Variants in TLN2 observed in about 807,000 individuals in gnomAD.
TLN2 encodes the protein talin-2.
Under a neutral mutation model 294.7 loss-of-function variants are expected in TLN2, and 118 were observed. The ratio of observed to expected loss-of-function variants is 0.40; its 90% confidence interval spans 0.34 to 0.47. The LOEUF (loss-of-function observed/expected upper bound fraction) is 0.47. TLN2 is among the 20% of genes least tolerant of loss of function. TLN2 has a pLI of 0.84. For synonymous variants in TLN2, 1,431 were observed against 1,304.5 expected (o/e 1.10, Z -2.09); for missense variants, 3,083 against 3,282.2 (o/e 0.94, Z 1.48).
chr15:62,740,510 G>A lies in TLN2; in HGVS notation c.3886-120G>A, dbSNP rs989754097. Reference sequence around the variant, plus strand: ...AGTTAGGCATCTGCGGGCTAACTGGGTTTAATGTGATCTATACGGATAACC... The same window carrying A: ...AGTTAGGCATCTGCGGGCTAACTGGATTTAATGTGATCTATACGGATAACC... On this transcript the variant is annotated intron_variant, in intron 31 of 58. Coordinates refer to ENST00000636159, the MANE Select transcript of TLN2 (RefSeq NM_015059.3). 13 of 1,377,334 alleles carry A rather than the reference G, an allele frequency of 9.4e-6. No homozygotes were observed. The South Asian group carries it at 1.8e-4, about 19-fold the overall frequency. The allele number at this position is 1,377,334 out of a possible 1,614,324, so 85.3% of individuals were successfully genotyped here.
chr15:62,805,087 T>C (rs144824060), intron 50 of TLN2, among the ~76,000 whole-genome samples: 2 of 152,308 alleles, frequency 1.3e-5, no homozygotes, highest in East Asian at 3.9e-4. Context: ...TATGCAGTTA[T>C]ATTTATAAGA....
At chr15:62,407,564 G>C (rs2033480581) in intron 1 of TLN2, among the ~76,000 whole-genome samples, 1 of 152,124 alleles carries the variant, frequency 6.6e-6, no homozygotes, top group African/African-American at 2.4e-5. Context: ...TCACCACCAA[G>C]TTTTCATTTG....
At chr15:62,677,085 T>C (rs191626102) in intron 11 of TLN2, among the ~76,000 whole-genome samples, 6 of 152,220 alleles carry the variant, frequency 3.9e-5, no homozygotes, top group Admixed American at 2.0e-4. Context: ...ATTTGAGAGG[T>C]AGTCACCTGC....
chr15:62,629,943 T>G (rs939450313), intron 3 of TLN2, among the ~76,000 whole-genome samples: 1 of 152,230 alleles, frequency 6.6e-6, no homozygotes, highest in Non-Finnish European at 1.5e-5. Flanking sequence ...ATAGATCATT[T>G]TAACATCCTT....
intron 1 of TLN2, among the ~76,000 whole-genome samples, chr15:62,582,246 A>ACACACACACACACCCCCCCC (rs764248336): frequency 1.5e-5 from 2 of 137,240 alleles, no homozygotes; most frequent in East Asian, 2.3e-4. Context: ...ACACACACAC[A>ACACACACACACACCCCCCCC]CATTCATGCC....
At chr15:62,687,146 C>G (rs1020680217) in intron 12 of TLN2, among the ~76,000 whole-genome samples, 3 of 152,172 alleles carry the variant, frequency 2.0e-5, no homozygotes, top group Non-Finnish European at 4.4e-5. Context: ...CTCTGAGACA[C>G]AAAGGCCCCC....
Position 62,761,721 on chromosome 15 carries a change from G to C in TLN2, c.4679G>C (p.Cys1560Ser). 6.2e-7 allele frequency: 1 copy of C among 1,614,112 alleles called. No homozygotes were observed. The highest frequency in any genetic ancestry group is 8.5e-7 in the Non-Finnish European group (1 of 1,180,032). ...GDFSEDNRNK[C>S]RIATAPLIEA... is the part of the protein sequence containing the mutation. ...TTCTCTGAAGACAACCGCAATAAGT[G>C]TCGCATCGCCACCGCACCCTTGATT... The change falls in exon 38 of 59, where the codon TGT becomes TCT. Residue 1560 changes from cysteine to serine, a missense_variant. Transcript: ENST00000636159.
In TLN2 at chr15:62,698,748, T is replaced by C. The variant is rs754256060; in HGVS notation, c.1474-6T>C. On this transcript the variant is annotated splice_polypyrimidine_tract_variant and splice_region_variant and intron_variant, in intron 15 of 58. Transcript: ENST00000636159. Reference sequence around the variant, plus strand: ...GATGACAGCTTTGTTTCATTTGCCTTTGCAGACCTCAGCCCAGCAGGCCCT... The same window carrying C: ...GATGACAGCTTTGTTTCATTTGCCTCTGCAGACCTCAGCCCAGCAGGCCCT... 6.8e-6 allele frequency: 11 copies of C among 1,608,184 alleles called. No homozygotes were observed. The highest frequency in any genetic ancestry group is 8.5e-6 in the Non-Finnish European group (10 of 1,179,586).
intron 16 of TLN2, among the ~76,000 whole-genome samples, chr15:62,700,854 A>C (rs2058674282): frequency 6.6e-6 from 1 of 152,150 alleles, no homozygotes; most frequent in Non-Finnish European, 1.5e-5. Context: ...TCTCCCTAAG[A>C]TCTTAAAAGT....
At chr15:62,577,657 A>G (rs2044543088) in intron 1 of TLN2, among the ~76,000 whole-genome samples, 2 of 152,088 alleles carry the variant, frequency 1.3e-5, no homozygotes, top group Admixed American at 1.3e-4. Flanking sequence ...GGGGTTCATG[A>G]TGATGTTTTC....
intron 45 of TLN2, 128 bp downstream of exon 45, chr15:62,784,018 C>T: frequency 6.7e-7 from 1 of 1,492,068 alleles, no homozygotes; most frequent in Non-Finnish European, 9.1e-7. Flanking sequence ...GTTTATTTCC[C>T]CACCACTGCA....
At chr15:62,419,831 C>A (rs1055024720) in intron 1 of TLN2, among the ~76,000 whole-genome samples, 5 of 152,104 alleles carry the variant, frequency 3.3e-5, no homozygotes, top group Admixed American at 1.3e-4. Flanking sequence ...GACCATGTAG[C>A]CCAGGCTGAT....
rs1400160373 is a variant in TLN2 at position 62,693,955 on chromosome 15, C to T, written c.1216-361C>T. On this transcript the variant is annotated intron_variant, in intron 13 of 58. Transcript: ENST00000636159. Reference sequence around the variant, plus strand: ...GTATGAAGACCTGCTGATTTTCTTTCTTTTTTTTTTTTTTTTTTTTTTTTT... The same window carrying T: ...GTATGAAGACCTGCTGATTTTCTTTTTTTTTTTTTTTTTTTTTTTTTTTTT... Among the ~76,000 whole-genome samples the T allele has an allele frequency of 8.5e-5, 8 of 94,226 alleles. No homozygotes were observed. The South Asian group carries it at 1.4e-3, about 16-fold the overall frequency. The allele number at this position is 94,226 out of a possible 152,430, so 61.8% of individuals were successfully genotyped here.
intron 1 of TLN2, among the ~76,000 whole-genome samples, chr15:62,450,500 T>C (rs897141240): frequency 1.3e-5 from 2 of 151,886 alleles, no homozygotes; most frequent in African/African-American, 4.8e-5. Context: ...CATCATTAAG[T>C]GGCCCCCATC....
At chr15:62,651,770 C>T (rs1272290826) in intron 5 of TLN2, among the ~76,000 whole-genome samples, 1 of 152,138 alleles carries the variant, frequency 6.6e-6, no homozygotes, top group Non-Finnish European at 1.5e-5. Context: ...GCAGCAATAA[C>T]AGAGATTCTC....
At position 62,647,293 on chromosome 15, in the gene TLN2, T is replaced by C. The variant is rs1000861063; in HGVS notation, c.-18T>C. 7 of 1,613,770 alleles carry C rather than the reference T, an allele frequency of 4.3e-6. No individual in the cohort carries two copies. Among genetic ancestry groups the C allele is most frequent in the Non-Finnish European group, 5.9e-6 (7 of 1,179,752 alleles). ...TTTCCAGACATTCTAAGTGAGACTGTCCACATCATCTAGGAAAATGGTGGC... is the reference window on the plus strand; with the variant it reads ...TTTCCAGACATTCTAAGTGAGACTGCCCACATCATCTAGGAAAATGGTGGC... On this transcript the variant is annotated 5_prime_UTR_variant, in exon 4 of 59. Coordinates refer to ENST00000636159, the MANE Select transcript of TLN2 (RefSeq NM_015059.3).
chr15:62,737,791 T>TGAAGG (rs1287345068), intron 29 of TLN2, among the ~76,000 whole-genome samples: 1 of 152,158 alleles, frequency 6.6e-6, no homozygotes, highest in Non-Finnish European at 1.5e-5. Flanking sequence ...CTTCTAATTG[T>TGAAGG]GATCCAAAAA....
intron 1 of TLN2, among the ~76,000 whole-genome samples, chr15:62,588,572 C>A (rs1332031116): frequency 6.7e-6 from 1 of 149,808 alleles, no homozygotes; most frequent in Non-Finnish European, 1.5e-5. Flanking sequence ...GCGGAGATAA[C>A]AGTGAGCCGA....
Position 62,792,768 on chromosome 15 carries a change from C to A in TLN2, c.5864C>A (p.Ala1955Asp). Residue 1955 changes from alanine (A) to aspartate (D), a missense_variant, in exon 46 of 59, where the codon GCC (alanine) becomes GAC (aspartate). Transcript: ENST00000636159. ...ACCAAGAGGGAGCTGATCGAATGCG[C>A]CCGTGCCGTCACGGAAAAGGTAAGG... ...SYTKRELIEC[A>D]RAVTEKVSLV... The A allele has an allele frequency of 6.2e-7, 1 of 1,614,032 alleles. No individual in the cohort carries two copies. Among genetic ancestry groups the A allele is most frequent in the Non-Finnish European group, 8.5e-7 (1 of 1,180,026 alleles).
Sources: gnomAD v4.1 joint callset for allele counts (sites outside exome capture counted in the v4.1 genomes callset) on GRCh38, gnomAD v4.1.1 for gene constraint, MANE v1.5 for transcripts, NCBI Gene and HGNC (gene_info 2026-07-23, HGNC 2026-07-21) for gene names.